TMEM178A: variants seen among roughly 807,000 people sequenced by gnomAD.
TMEM178A encodes the protein transmembrane protein 178.
Under a neutral mutation model 29.1 loss-of-function variants are expected in TMEM178A, and 12 were observed. That is an observed-to-expected ratio of 0.41 (90% CI 0.26 to 0.67). The LOEUF (loss-of-function observed/expected upper bound fraction) is 0.67. TMEM178A is among the 30% of genes least tolerant of loss of function. The probability of loss-of-function intolerance (pLI) is 0.29; values close to 1 mark genes in which losing one functional copy is unlikely to be tolerated. For missense variants in TMEM178A, 366 were observed against 419.1 expected, an observed-to-expected ratio of 0.87 and a Z score of 1.11; for synonymous variants, 210 against 187.2, an observed-to-expected ratio of 1.12 and a Z score of -0.99.
chr2:39,731,816 A>G, the TMEM178A span, among the ~76,000 whole-genome samples: 14 of 152,092 alleles, frequency 9.2e-5, no homozygotes, highest in African/African-American at 3.1e-4. Context: ...GGGCCAGTGC[A>G]TTGTTTCTGT....
intron 1 of TMEM178A, among the ~76,000 whole-genome samples, chr2:39,695,280 G>A (rs1166917480): frequency 6.6e-6 from 1 of 151,978 alleles, no homozygotes; most frequent in Non-Finnish European, 1.5e-5. Flanking sequence ...AACTCTTTCT[G>A]CTAGAGAACC....
intron 1 of TMEM178A, among the ~76,000 whole-genome samples, chr2:39,671,656 A>G (rs534286568): frequency 6.6e-6 from 1 of 152,328 alleles, no homozygotes; most frequent in African/African-American, 2.4e-5. Context: ...CATGGACTGT[A>G]CTGACACATA....
intron 1 of TMEM178A, 23 bp from the exon 2 acceptor site, chr2:39,704,058 T>C: frequency 1.2e-6 from 2 of 1,603,458 alleles, no homozygotes; most frequent in Non-Finnish European, 8.5e-7. Flanking sequence ...GACTCGTAAA[T>C]CGCGTTTCTT....
At chr2:39,732,312 C>T in the TMEM178A span, among the ~76,000 whole-genome samples, 4 of 152,138 alleles carry the variant, frequency 2.6e-5, no homozygotes, top group African/African-American at 4.8e-5. Flanking sequence ...ACTGGAGACT[C>T]CTCATGAGAC....
chr2:39,668,719 G>A (rs1670282170), intron 1 of TMEM178A, among the ~76,000 whole-genome samples: 1 of 152,202 alleles, frequency 6.6e-6, no homozygotes, highest in Admixed American at 6.5e-5. Flanking sequence ...TTTGGGAGAT[G>A]TCCAGAAATG....
Position 39,693,097 on chromosome 2 carries a change from G to C in TMEM178A, c.401-10984G>C, listed in dbSNP as rs1016448287. On this transcript the variant is annotated intron_variant, in intron 1 of 3. Coordinates refer to ENST00000281961, the MANE Select transcript of TMEM178A (RefSeq NM_152390.3). ...CCACTGCACTTCAGCCTGGGCAATA[G>C]AGCGAGACTCTGTTTCAAAAAACAA... Among the ~76,000 whole-genome samples, 7 of 152,268 alleles carry C rather than the reference G, an allele frequency of 4.6e-5. No homozygotes were observed. The South Asian group carries it at 6.2e-4, about 14-fold the overall frequency.
chr2:39,725,853 G>A, the TMEM178A span, among the ~76,000 whole-genome samples: 2 of 152,008 alleles, frequency 1.3e-5, no homozygotes. Context: ...TGGTTCTAGG[G>A]CCTCGGCAAA....
intron 1 of TMEM178A, among the ~76,000 whole-genome samples, chr2:39,698,814 C>A (rs1671663315): frequency 6.6e-6 from 1 of 151,770 alleles, no homozygotes; most frequent in African/African-American, 2.4e-5. Flanking sequence ...CAAGTTTTTA[C>A]TAAGTTAATT....
intron 1 of TMEM178A, among the ~76,000 whole-genome samples, chr2:39,678,978 T>C (rs1409282812): frequency 5.3e-5 from 8 of 152,342 alleles, no homozygotes; most frequent in Admixed American, 3.9e-4. Flanking sequence ...GAAAGCTTAG[T>C]GCTATTCTTA....
chr2:39,688,881 A>G (rs1671194448), intron 1 of TMEM178A, among the ~76,000 whole-genome samples: 1 of 152,188 alleles, frequency 6.6e-6, no homozygotes, highest in Non-Finnish European at 1.5e-5. Flanking sequence ...TTATCTTGCT[A>G]TGTATCTATA....
In TMEM178A at chr2:39,717,138, G is replaced by T; in HGVS notation, c.781G>T (p.Ala261Ser). ...TGGTTACAGCTGGTCCATCTTTTGCGCCTGGTGCAGTTTAGGCTTTATTGT... is the reference window on the plus strand; with the variant it reads ...TGGTTACAGCTGGTCCATCTTTTGCTCCTGGTGCAGTTTAGGCTTTATTGT... ...EHGYSWSIFC[A>S]WCSLGFIVAA... Residue 261 changes from alanine to serine, a missense_variant, in exon 4 of 4, where the codon GCC becomes TCC. Ala to Ser is a moderately conservative substitution (Grantham distance 99). Transcript: ENST00000281961. 6.2e-7 allele frequency: 1 copy of T among 1,612,642 alleles called. No individual in the cohort carries two copies. Among genetic ancestry groups the T allele is most frequent in the Admixed American group, 1.7e-5 (1 of 59,786 alleles).
chr2:39,672,404 C>T (rs1159853626), intron 1 of TMEM178A, among the ~76,000 whole-genome samples: 1 of 152,190 alleles, frequency 6.6e-6, no homozygotes, highest in Non-Finnish European at 1.5e-5. Context: ...AGTTCACATC[C>T]AATTATACCC....
At chr2:39,688,022 T>C (rs906411299) in intron 1 of TMEM178A, among the ~76,000 whole-genome samples, 3 of 152,218 alleles carry the variant, frequency 2.0e-5, no homozygotes, top group African/African-American at 7.2e-5. Flanking sequence ...ACCTATCAGA[T>C]GAGGGAAATG....
intron 3 of TMEM178A, among the ~76,000 whole-genome samples, chr2:39,715,004 T>C (rs1672476014): frequency 6.6e-6 from 1 of 152,152 alleles, no homozygotes; most frequent in African/African-American, 2.4e-5. Context: ...TTTCCCACTC[T>C]TTTTTTCCCT....
chr2:39,695,974 T>G (rs1382610159), intron 1 of TMEM178A, among the ~76,000 whole-genome samples: 1 of 152,248 alleles, frequency 6.6e-6, no homozygotes, highest in African/African-American at 2.4e-5. Context: ...AGTGAAACTG[T>G]TCCTTGCTTA....
At chr2:39,686,415 GT>G (rs200732849) in intron 1 of TMEM178A, among the ~76,000 whole-genome samples, 4 of 150,006 alleles carry the variant, frequency 2.7e-5, no homozygotes, top group South Asian at 2.1e-4. Context: ...CTTAAATTAG[GT>G]TTTTTTTTTA....
At chr2:39,698,731 G>A (rs1024917914) in intron 1 of TMEM178A, among the ~76,000 whole-genome samples, 12 of 151,670 alleles carry the variant, frequency 7.9e-5, no homozygotes, top group Non-Finnish European at 1.6e-4. Flanking sequence ...GTCTATGAAG[G>A]TTGTTAATTC....
intron 1 of TMEM178A, chr2:39,687,571 C>T (rs532382089): frequency 6.3e-6 from 1 of 159,450 alleles, no homozygotes; most frequent in East Asian, 1.9e-4. Flanking sequence ...TGCCCCTTTT[C>T]ATGGTTTTCC....
At chr2:39,667,026 T>A (rs1558438716) in intron 1 of TMEM178A, among the ~76,000 whole-genome samples, 1 of 152,180 alleles carries the variant, frequency 6.6e-6, no homozygotes, top group Admixed American at 6.6e-5. Context: ...GACCAATCGT[T>A]GGCTGGTGGA....
Sources: gnomAD v4.1 joint callset for allele counts (sites outside exome capture counted in the v4.1 genomes callset) on GRCh38, gnomAD v4.1.1 for gene constraint, MANE v1.5 for transcripts, NCBI Gene and HGNC (gene_info 2026-07-23, HGNC 2026-07-21) for gene names.